GPC6: variants seen among roughly 807,000 people sequenced by gnomAD.
GPC6 encodes glypican 6.
In GPC6, 14 loss-of-function variants were observed where a neutral mutation model predicts 55.2. That is an observed-to-expected ratio of 0.25 (90% CI 0.17 to 0.40). GPC6 has a LOEUF of 0.40. GPC6 is among the 10% of genes least tolerant of loss of function. The pLI, the probability that GPC6 is intolerant of heterozygous loss-of-function variation, is 1.00. For synonymous variants in GPC6, 278 were observed against 259.6 expected (o/e 1.07, Z -0.68); for missense variants, 641 against 708.5 (o/e 0.90, Z 1.08).
intron 1 of GPC6, among the ~76,000 whole-genome samples, chr13:93,306,672 A>C (rs953614517): frequency 1.3e-5 from 2 of 152,068 alleles, no homozygotes; most frequent in Non-Finnish European, 2.9e-5. Context: ...CTGATATTTC[A>C]AAACAACTTA....
At chr13:94,002,507 A>G (rs1477744609) in intron 3 of GPC6, among the ~76,000 whole-genome samples, 2 of 152,204 alleles carry the variant, frequency 1.3e-5, no homozygotes, top group Non-Finnish European at 2.9e-5. Flanking sequence ...CTAGAAATTA[A>G]TCCACTTTTT....
At chr13:93,920,168 C>A (rs1877495729) in intron 3 of GPC6, among the ~76,000 whole-genome samples, 1 of 152,140 alleles carries the variant, frequency 6.6e-6, no homozygotes, top group South Asian at 2.1e-4. Flanking sequence ...CAAGTCTAAT[C>A]TTTGCTTGGT....
At position 94,356,254 on chromosome 13, in the gene GPC6, C is replaced by T. The variant is rs188082919; in HGVS notation, c.1153-26160C>T. ...TGTAAATAGTGCTGTAATGAACATA[C>T]GCGTGCATGTGTCTTTATAACCGGA... On this transcript the variant is annotated intron_variant, in intron 6 of 8. Transcript: ENST00000377047. 8.5e-5 allele frequency among the ~76,000 whole-genome samples: 13 copies of T among 152,282 alleles called. No homozygotes were observed. In the East Asian group the frequency reaches 2.1e-3, roughly 25 times the overall value.
At chr13:93,474,649 A>G (rs1414261626) in intron 1 of GPC6, among the ~76,000 whole-genome samples, 1 of 152,154 alleles carries the variant, frequency 6.6e-6, no homozygotes, top group Non-Finnish European at 1.5e-5. Flanking sequence ...TATTGGATTA[A>G]TGGTATTTTG....
intron 3 of GPC6, among the ~76,000 whole-genome samples, chr13:93,849,025 C>G (rs896073399): frequency 2.6e-5 from 4 of 152,036 alleles, no homozygotes; most frequent in African/African-American, 9.7e-5. Flanking sequence ...TTTGTTGATT[C>G]AAAGTTTTCA....
intron 1 of GPC6, among the ~76,000 whole-genome samples, chr13:93,348,437 T>C (rs1880503820): frequency 6.6e-6 from 1 of 152,226 alleles, no homozygotes; most frequent in South Asian, 2.1e-4. Context: ...TCAGTCTTTC[T>C]AACCCTTCTG....
At chr13:93,286,380 G>T (rs1254262815) in intron 1 of GPC6, among the ~76,000 whole-genome samples, 1 of 152,220 alleles carries the variant, frequency 6.6e-6, no homozygotes, top group East Asian at 1.9e-4. Flanking sequence ...TAACAACCTA[G>T]GCACAAAGGA....
intron 3 of GPC6, among the ~76,000 whole-genome samples, chr13:93,856,847 G>C (rs572998234): frequency 4.6e-5 from 7 of 151,670 alleles, no homozygotes; most frequent in African/African-American, 1.7e-4. Flanking sequence ...TCCAGACCTG[G>C]TTCATTGTGC....
At chr13:94,245,823 C>A (rs2139031512) in intron 4 of GPC6, among the ~76,000 whole-genome samples, 1 of 152,060 alleles carries the variant, frequency 6.6e-6, no homozygotes, top group South Asian at 2.1e-4. Flanking sequence ...CTAAATAATG[C>A]TGTAGTGAAC....
At chr13:94,104,437 C>A (rs1885979677) in intron 4 of GPC6, among the ~76,000 whole-genome samples, 1 of 152,142 alleles carries the variant, frequency 6.6e-6, no homozygotes, top group African/African-American at 2.4e-5. Context: ...TCTCACCACT[C>A]CTATTCAACA....
At chr13:93,303,870 C>T (rs1035453313) in intron 1 of GPC6, among the ~76,000 whole-genome samples, 1 of 126,546 alleles carries the variant, frequency 7.9e-6, no homozygotes, top group Non-Finnish European at 1.6e-5. Flanking sequence ...AATGTAGATA[C>T]TATTTTTTTT....
chr13:94,250,178 T>C (rs1268620330), intron 4 of GPC6, among the ~76,000 whole-genome samples: 1 of 152,168 alleles, frequency 6.6e-6, no homozygotes, highest in African/African-American at 2.4e-5. Context: ...GGGAAATAAA[T>C]TGAATGTGCA....
At chr13:93,865,157 G>C (rs1223029140) in intron 3 of GPC6, among the ~76,000 whole-genome samples, 3 of 151,588 alleles carry the variant, frequency 2.0e-5, no homozygotes, top group Non-Finnish European at 3.0e-5. Context: ...GAGGCCCTTA[G>C]ACTAGGCAGT....
intron 4 of GPC6, among the ~76,000 whole-genome samples, chr13:94,058,763 T>A (rs569832509): frequency 6.6e-6 from 1 of 151,970 alleles, no homozygotes; most frequent in South Asian, 2.1e-4. Context: ...TTCCTTCCCA[T>A]GCATCGCCTT....
chr13:93,427,639 A>G (rs949732698), intron 1 of GPC6, among the ~76,000 whole-genome samples: 4 of 152,148 alleles, frequency 2.6e-5, no homozygotes, highest in African/African-American at 7.2e-5. Context: ...ACTTCATTCT[A>G]TACTATTTCA....
At chr13:93,662,406 G>A (rs1021912680) in intron 2 of GPC6, among the ~76,000 whole-genome samples, 1 of 152,136 alleles carries the variant, frequency 6.6e-6, no homozygotes, top group Non-Finnish European at 1.5e-5. Flanking sequence ...GAGGTGGGCA[G>A]ATCACCTGAG....
intron 3 of GPC6, among the ~76,000 whole-genome samples, chr13:93,888,245 G>T (rs530788837): frequency 6.6e-6 from 1 of 152,132 alleles, no homozygotes; most frequent in South Asian, 2.1e-4. Context: ...TAAAGCAAAA[G>T]ATAGTATCCA....
chr13:93,802,708 C>T lies in GPC6; in HGVS notation c.320-27446C>T, dbSNP rs559410741. Among the ~76,000 whole-genome samples the T allele has an allele frequency of 2.6e-5, 4 of 152,088 alleles. No homozygotes were observed. In the South Asian group the frequency reaches 8.3e-4, roughly 32 times the overall value. On this transcript the variant is annotated intron_variant, in intron 2 of 8. Coordinates refer to ENST00000377047, the MANE Select transcript of GPC6 (RefSeq NM_005708.5). ...CCACCATGCTGGGGCTGAAAATAAC[C>T]TTTTACAGAAGAAAGAAAAGTGATG...
intron 4 of GPC6, among the ~76,000 whole-genome samples, chr13:94,134,212 G>A (rs1363542486): frequency 6.6e-6 from 1 of 152,186 alleles, no homozygotes; most frequent in African/African-American, 2.4e-5. Context: ...GTTAAAGGCT[G>A]TGAGCATTAG....
Sources: allele counts gnomAD v4.1 joint callset (sites outside exome capture counted in the v4.1 genomes callset), GRCh38; gene constraint gnomAD v4.1.1; transcripts MANE v1.5; gene names NCBI Gene and HGNC (gene_info 2026-07-23, HGNC 2026-07-21).